The following CDH4 variants were observed in gnomAD, a reference collection of about 807,000 sequenced individuals.
CDH4 encodes cadherin-4.
CDH4 carries 33 observed loss-of-function variants against 86.0 expected under a neutral mutation model. The observed-to-expected ratio is 0.38, with a 90% CI of 0.29 to 0.51. The LOEUF (loss-of-function observed/expected upper bound fraction) is 0.51. Among genes scored for constraint, CDH4 ranks in the 20% least tolerant of loss-of-function variants. The pLI is 0.86. For synonymous variants in CDH4, 555 were observed against 549.4 expected (o/e 1.01, Z -0.14); for missense variants, 1,114 against 1,307.4 (o/e 0.85, Z 2.28).
chr20:61,274,125 T>G, intron 2 of CDH4, among the ~76,000 whole-genome samples: 1 of 107,120 alleles, frequency 9.3e-6, no homozygotes, highest in Non-Finnish European at 1.8e-5. Flanking sequence ...GGGGGAGTAT[T>G]GGAGTACCAT....
chr20:61,545,796 G>C lies in CDH4; in HGVS notation c.170-197767G>C, dbSNP rs185199888. On this transcript the variant is annotated intron_variant, in intron 2 of 15. Transcript: ENST00000614565. Reference sequence around the variant, plus strand: ...GGGTGTGTGTGCATGTGTTTGGGGGGTATGTGGGATACGGTGCGTGTTCAC... The same window carrying C: ...GGGTGTGTGTGCATGTGTTTGGGGGCTATGTGGGATACGGTGCGTGTTCAC... Among the ~76,000 whole-genome samples the C allele has an allele frequency of 2.0e-5, 3 of 151,822 alleles. No homozygotes were observed. In the South Asian group the frequency reaches 6.3e-4, roughly 32 times the overall value.
chr20:61,313,637 G>C (rs1287804612), intron 2 of CDH4, among the ~76,000 whole-genome samples: 9 of 152,236 alleles, frequency 5.9e-5, no homozygotes, highest in Admixed American at 5.9e-4. Flanking sequence ...GGTGGTCACA[G>C]TGCAGTGTTT....
intron 2 of CDH4, among the ~76,000 whole-genome samples, chr20:61,425,281 A>T (rs2145508123): frequency 6.6e-6 from 1 of 152,172 alleles, no homozygotes; most frequent in African/African-American, 2.4e-5. Flanking sequence ...GCAGGGAGGG[A>T]GGCGGCCAGG....
intron 4 of CDH4, among the ~76,000 whole-genome samples, chr20:61,801,701 C>T (rs1979839396): frequency 6.6e-6 from 1 of 152,208 alleles, no homozygotes; most frequent in Non-Finnish European, 1.5e-5. Flanking sequence ...ACCTCTGTGG[C>T]TCCTGGCCCC....
intron 2 of CDH4, among the ~76,000 whole-genome samples, chr20:61,701,480 G>A (rs2087775452): frequency 6.6e-6 from 1 of 152,204 alleles, no homozygotes; most frequent in Non-Finnish European, 1.5e-5. Context: ...TGGAGGTTTG[G>A]GTGCAGCTGG....
intron 9 of CDH4, among the ~76,000 whole-genome samples, chr20:61,913,163 A>G (rs2054869282): frequency 6.6e-6 from 1 of 151,752 alleles, no homozygotes; most frequent in Non-Finnish European, 1.5e-5. Flanking sequence ...CACCTGTCTC[A>G]CCTCCCCTGC....
chr20:61,669,791 ATT>A (rs1378087389), intron 2 of CDH4, among the ~76,000 whole-genome samples: 2 of 152,186 alleles, frequency 1.3e-5, no homozygotes, highest in Non-Finnish European at 2.9e-5. Context: ...TGACAGCTGT[ATT>A]TTTGAGAGAC....
intron 2 of CDH4, among the ~76,000 whole-genome samples, chr20:61,395,040 T>C (rs554409764): frequency 6.6e-6 from 1 of 150,892 alleles, no homozygotes; most frequent in South Asian, 2.2e-4. Flanking sequence ...CTGGAAATGG[T>C]AACCTTGAAA....
At chr20:61,716,370 C>G (rs1023428422) in intron 2 of CDH4, among the ~76,000 whole-genome samples, 7 of 151,658 alleles carry the variant, frequency 4.6e-5, no homozygotes, top group Admixed American at 4.6e-4. Context: ...CGCCTGTGAG[C>G]CTCCTCTTGG....
chr20:61,881,839 C>T (rs1293180938), intron 7 of CDH4, among the ~76,000 whole-genome samples: 3 of 152,236 alleles, frequency 2.0e-5, no homozygotes, highest in Admixed American at 6.5e-5. Flanking sequence ...TCCCTGGCAG[C>T]GTGACCTTAT....
chr20:61,855,746 G>A (rs528454636), intron 6 of CDH4, among the ~76,000 whole-genome samples: 248 of 152,358 alleles, frequency 1.6e-3, no homozygotes, highest in African/African-American at 4.1e-3. Context: ...TGGAGAGCCC[G>A]GCTGCCCGGC....
intron 2 of CDH4, among the ~76,000 whole-genome samples, chr20:61,464,329 A>C (rs1209185432): frequency 6.6e-6 from 1 of 152,200 alleles, no homozygotes; most frequent in Non-Finnish European, 1.5e-5. Flanking sequence ...ATTAACCTGC[A>C]TTTTGAATCC....
At position 61,516,963 on chromosome 20, in the gene CDH4, G is replaced by A. The variant is rs1273805131; in HGVS notation, c.170-226600G>A. ...ACATGGGGTGTTTTCAATGTATTGG[G>A]ATGTCATGCACGCCCTGAAAAATGC... is the stretch of plus-strand genomic sequence containing the variant. On this transcript the variant is annotated intron_variant, in intron 2 of 15. Coordinates refer to ENST00000614565, the MANE Select transcript of CDH4 (RefSeq NM_001794.5). The surrounding 1 kb of genome is among the most constrained non-coding windows in gnomAD (Gnocchi z 4.0). Among the ~76,000 whole-genome samples, 2 of 152,106 alleles carry A rather than the reference G, an allele frequency of 1.3e-5. No individual in the cohort carries two copies. The highest frequency in any genetic ancestry group is 1.5e-5 in the Non-Finnish European group (1 of 68,024).
chr20:61,793,697 G>T (rs978798280), intron 4 of CDH4, among the ~76,000 whole-genome samples: 1 of 151,870 alleles, frequency 6.6e-6, no homozygotes, highest in Non-Finnish European at 1.5e-5. Flanking sequence ...AAAATTAGCT[G>T]GGCATGGTGG....
chr20:61,893,358 T>A (rs1984931454), intron 7 of CDH4, among the ~76,000 whole-genome samples: 1 of 123,124 alleles, frequency 8.1e-6, no homozygotes, highest in Admixed American at 8.9e-5. Context: ...AATGAATGGG[T>A]GGGTGAATAG....
chr20:61,334,101 A>G (rs2084603275), intron 2 of CDH4, among the ~76,000 whole-genome samples: 1 of 152,142 alleles, frequency 6.6e-6, no homozygotes, highest in African/African-American at 2.4e-5. Context: ...AGGGCCTGGA[A>G]TTGGAGCCAC....
At chr20:61,336,592 AG>A in intron 2 of CDH4, among the ~76,000 whole-genome samples, 1 of 152,156 alleles carries the variant, frequency 6.6e-6, no homozygotes, top group East Asian at 1.9e-4. Context: ...CTGTGTGCAG[AG>A]CAGGTCCTTG....
intron 2 of CDH4, among the ~76,000 whole-genome samples, chr20:61,322,665 C>T (rs1419569866): frequency 6.6e-6 from 1 of 152,180 alleles, no homozygotes; most frequent in Non-Finnish European, 1.5e-5. Flanking sequence ...GGCTGTTTGC[C>T]AGCCACACAA....
At chr20:61,739,434 C>T (rs8119492) in intron 2 of CDH4, among the ~76,000 whole-genome samples, 21,565 of 152,174 alleles carry the variant, frequency 0.14, 1,651 homozygotes, top group African/African-American at 0.17. Context: ...GCGGGAGACA[C>T]GGGAGGACAT....
Sources: gnomAD v4.1 joint callset for allele counts (sites outside exome capture counted in the v4.1 genomes callset) on GRCh38, gnomAD v4.1.1 for gene constraint, Gnocchi (gnomAD v3.1) non-coding constraint, MANE v1.5 for transcripts, NCBI Gene and HGNC (gene_info 2026-07-23, HGNC 2026-07-21) for gene names.